The following RPA1 variants were observed in gnomAD, a reference collection of about 807,000 sequenced individuals.
The protein encoded by RPA1 is replication protein A1.
A neutral mutation model predicts 83.0 loss-of-function variants in RPA1; 49 were observed. The observed-to-expected ratio is 0.59, with a 90% confidence interval of 0.47 to 0.75. The LOEUF (loss-of-function observed/expected upper bound fraction) is 0.75, where lower values mean the gene tolerates loss of function less well. Ranked by LOEUF, RPA1 falls within the 30% of genes least tolerant of loss-of-function variation. The probability of loss-of-function intolerance (pLI) is 0.00; values close to 1 mark genes in which losing one functional copy is unlikely to be tolerated. For synonymous variants in RPA1, 279 were observed against 281.8 expected (o/e 0.99, Z 0.10); for missense variants, 693 against 776.1 (o/e 0.89, Z 1.27).
chr17:1,841,946 A>G (rs887178717), intron 1 of RPA1, among the ~76,000 whole-genome samples: 1 of 152,156 alleles, frequency 6.6e-6, no homozygotes, highest in Non-Finnish European at 1.5e-5. Flanking sequence ...CCTTCCTTGG[A>G]TAAATCACAC....
chr17:1,898,174 C>T lies in RPA1; in HGVS notation c.*999C>T, dbSNP rs926064072. On this transcript the variant is annotated 3_prime_UTR_variant, in exon 17 of 17. Coordinates refer to ENST00000254719, the MANE Select transcript of RPA1 (RefSeq NM_002945.5). ...GGGGGATGTTAACTCATTATAAACC[C>T]GAAGATTAGTCCAAGGCATGGAGAT... 1 of 152,102 alleles carries T rather than the reference C, an allele frequency of 6.6e-6. No individual in the cohort carries two copies. The highest frequency in any genetic ancestry group is 6.5e-5 in the Admixed American group (1 of 15,270). 9.4% of individuals were successfully genotyped at this position (152,102 alleles called of 1,614,324 possible). A position where few individuals can be genotyped will look rare whatever the true frequency, so the allele number is the denominator to read the frequency against.
At chr17:1,878,563 AGTGGTTT>A (rs1259525655) in intron 8 of RPA1, among the ~76,000 whole-genome samples, 1 of 152,218 alleles carries the variant, frequency 6.6e-6, no homozygotes, top group Non-Finnish European at 1.5e-5. Context: ...CCGAATGTGA[AGTGGTTT>A]GTCACTGAGA....
intron 12 of RPA1, 141 bp from the exon 13 acceptor site, chr17:1,883,671 C>T (rs1913882960): frequency 2.0e-5 from 15 of 744,160 alleles, no homozygotes; most frequent in Non-Finnish European, 2.9e-5. Context: ...ATACCAGCTT[C>T]AGCCGACATG....
chr17:1,850,395 G>T (rs377582234), intron 4 of RPA1, among the ~76,000 whole-genome samples: 11 of 150,748 alleles, frequency 7.3e-5, no homozygotes, highest in African/African-American at 2.2e-4. Context: ...AATTAGCCAG[G>T]CATGGAGGCA....
intron 5 of RPA1, among the ~76,000 whole-genome samples, chr17:1,855,095 C>T (rs1206476535): frequency 6.6e-6 from 1 of 151,978 alleles, no homozygotes; most frequent in Admixed American, 6.6e-5. Flanking sequence ...TTGTCAAATG[C>T]ATTTTCTGTG....
At chr17:1,888,137 A>G (rs1020395283) in intron 13 of RPA1, among the ~76,000 whole-genome samples, 6 of 152,212 alleles carry the variant, frequency 3.9e-5, no homozygotes. Flanking sequence ...CTAAGGCCTG[A>G]AATATTTACT....
chr17:1,846,942 T>C (rs1405560523), intron 4 of RPA1, among the ~76,000 whole-genome samples: 7 of 152,202 alleles, frequency 4.6e-5, no homozygotes, highest in Non-Finnish European at 8.8e-5. Flanking sequence ...TTTTCTTAGC[T>C]GTTCAAGCTC....
Position 1,877,334 on chromosome 17 carries a change from G to C in RPA1, c.690+20G>C. 1 of 1,608,330 alleles carries C rather than the reference G, an allele frequency of 6.2e-7. No individual in the cohort carries two copies. The highest frequency in any genetic ancestry group is 8.5e-7 in the Non-Finnish European group (1 of 1,175,538). ...GAAAGTGTGAGTGTTTGTCATGCTG[G>C]GGAGTGAGGGCAGTGGGCTCGCCGG... On this transcript the variant is annotated intron_variant, in intron 8 of 16. Coordinates refer to ENST00000254719, the MANE Select transcript of RPA1 (RefSeq NM_002945.5).
At chr17:1,883,363 A>G (rs1913870818) in intron 12 of RPA1, among the ~76,000 whole-genome samples, 1 of 152,010 alleles carries the variant, frequency 6.6e-6, no homozygotes, top group East Asian at 1.9e-4. Context: ...GGGTTTCACC[A>G]TGTTGGCCAG....
In RPA1 at chr17:1,898,893, T is replaced by A. The variant is rs1418668430; in HGVS notation, c.*1718T>A. 1 of 152,682 alleles carries A rather than the reference T, an allele frequency of 6.5e-6. No homozygotes were observed. 9.5% of individuals were successfully genotyped at this position (152,682 alleles called of 1,614,324 possible). A position where few individuals can be genotyped will look rare whatever the true frequency, so the allele number is the denominator to read the frequency against. On this transcript the variant is annotated 3_prime_UTR_variant, in exon 17 of 17. Transcript: ENST00000254719. ...TACAGTCTTCAACCCTCTTCTGGAT[T>A]GACAAATTGTGGCTGGGAAGTGGCG...
At chr17:1,860,351 T>G (rs1912903086) in intron 5 of RPA1, among the ~76,000 whole-genome samples, 1 of 151,978 alleles carries the variant, frequency 6.6e-6, no homozygotes. Flanking sequence ...GGGTCTCACT[T>G]TGTTGCCCAG....
chr17:1,891,436 A>G (rs1461488601), intron 14 of RPA1, among the ~76,000 whole-genome samples: 1 of 151,700 alleles, frequency 6.6e-6, no homozygotes, highest in Non-Finnish European at 1.5e-5. Flanking sequence ...GACAGGAACT[A>G]ATCTGATGGG....
chr17:1,838,661 A>C (rs916645772), intron 1 of RPA1, among the ~76,000 whole-genome samples: 5 of 150,902 alleles, frequency 3.3e-5, no homozygotes, highest in Admixed American at 1.3e-4. Flanking sequence ...CAAATCTTTT[A>C]TGCTGTGTTT....
chr17:1,875,345 G>GT (rs1461169184), intron 6 of RPA1, among the ~76,000 whole-genome samples: 1 of 152,212 alleles, frequency 6.6e-6, no homozygotes, highest in African/African-American at 2.4e-5. Flanking sequence ...CAAGAGAAGT[G>GT]TTTAAGAGGG....
chr17:1,897,724 T>G lies in RPA1; in HGVS notation c.*549T>G, dbSNP rs1013926526. ...TGGAATGGCAATAGGGTAGAATGATTAATCAAAGGCATATCTTCTATATCT... is the reference window on the plus strand; with the variant it reads ...TGGAATGGCAATAGGGTAGAATGATGAATCAAAGGCATATCTTCTATATCT... On this transcript the variant is annotated 3_prime_UTR_variant, in exon 17 of 17. Transcript: ENST00000254719. 6.4e-6 allele frequency: 1 copy of G among 156,268 alleles called. No homozygotes were observed. The highest frequency in any genetic ancestry group is 1.4e-5 in the Non-Finnish European group (1 of 70,068). 9.7% of individuals were successfully genotyped at this position (156,268 alleles called of 1,614,324 possible).
At chr17:1,851,508 C>T (rs1470446324) in intron 4 of RPA1, among the ~76,000 whole-genome samples, 1 of 152,092 alleles carries the variant, frequency 6.6e-6, no homozygotes, top group Non-Finnish European at 1.5e-5. Context: ...TTAATGTGTC[C>T]TTGTCATCTG....
intron 12 of RPA1, among the ~76,000 whole-genome samples, chr17:1,883,030 A>G: frequency 6.6e-6 from 1 of 152,156 alleles, no homozygotes; most frequent in East Asian, 1.9e-4. Flanking sequence ...TTTCTTCAGT[A>G]GACTTTGGGC....
chr17:1,843,882 C>T (rs1189043631), intron 2 of RPA1, 38 bp from the exon 3 acceptor site: 4 of 1,578,076 alleles, frequency 2.5e-6, no homozygotes, highest in Non-Finnish European at 3.5e-6. Flanking sequence ...GGGGACGGGG[C>T]AGACAACCTG....
chr17:1,896,047 A>C (rs969426510), intron 16 of RPA1, among the ~76,000 whole-genome samples: 1 of 152,184 alleles, frequency 6.6e-6, no homozygotes, highest in African/African-American at 2.4e-5. Flanking sequence ...TACATCCTTT[A>C]CGTGGAACAT....
Sources: allele counts gnomAD v4.1 joint callset (sites outside exome capture counted in the v4.1 genomes callset), GRCh38; gene constraint gnomAD v4.1.1; transcripts MANE v1.5; gene names NCBI Gene and HGNC (gene_info 2026-07-23, HGNC 2026-07-21).